STAG1: variants seen among roughly 807,000 people sequenced by gnomAD.
The protein encoded by STAG1 is STAG1 cohesin complex component.
STAG1 carries 26 observed loss-of-function variants against 170.9 expected under a neutral mutation model. That is an observed-to-expected ratio of 0.15 (90% CI 0.11 to 0.21). The LOEUF (loss-of-function observed/expected upper bound fraction) is 0.21. STAG1 is among the 10% of genes least tolerant of loss of function. STAG1 has a pLI of 1.00. For missense variants in STAG1, 964 were observed against 1,509.5 expected, an observed-to-expected ratio of 0.64 and a Z score of 5.99; for synonymous variants, 514 against 497.7, an observed-to-expected ratio of 1.03 and a Z score of -0.44.
chr3:136,518,888 T>C (rs953323440), intron 7 of STAG1, among the ~76,000 whole-genome samples: 22 of 151,776 alleles, frequency 1.4e-4, no homozygotes, highest in African/African-American at 5.3e-4. Context: ...AGGTAGACCG[T>C]GGAAAAGAGA....
At chr3:136,469,810 G>A (rs2089575047) in intron 12 of STAG1, among the ~76,000 whole-genome samples, 2 of 151,938 alleles carry the variant, frequency 1.3e-5, no homozygotes, top group Admixed American at 6.6e-5. Context: ...GAACAGAACA[G>A]AGCCCTCACA....
intron 21 of STAG1, among the ~76,000 whole-genome samples, chr3:136,412,367 G>T (rs778936984): frequency 2.0e-5 from 3 of 152,158 alleles, no homozygotes; most frequent in Non-Finnish European, 4.4e-5. Context: ...AGTAATAACT[G>T]AGTCAGGCAA....
rs528812917 is a variant in STAG1, at chr3:136,359,802, C to T, written c.2788-506G>A. Among the ~76,000 whole-genome samples, 5 of 152,190 alleles carry T rather than the reference C, an allele frequency of 3.3e-5. No individual in the cohort carries two copies. In the East Asian group the frequency reaches 7.7e-4, roughly 23 times the overall value. On this transcript the variant is annotated intron_variant, in intron 26 of 33. Coordinates refer to ENST00000383202, the MANE Select transcript of STAG1 (RefSeq NM_005862.3). ...GGGATTACAGGCGTGAGCCACCACA[C>T]GTGGCCAAAAGAATGTATTTTGAGA...
chr3:136,377,358 G>C (rs1937656407), intron 23 of STAG1, among the ~76,000 whole-genome samples: 2 of 101,424 alleles, frequency 2.0e-5, no homozygotes, highest in African/African-American at 7.9e-5. Context: ...CTGCACTCCA[G>C]CCTGGGCGAC....
At chr3:136,399,129 T>C (rs115461672) in intron 21 of STAG1, among the ~76,000 whole-genome samples, 4 of 152,324 alleles carry the variant, frequency 2.6e-5, no homozygotes, top group African/African-American at 9.6e-5. Context: ...AAAAGGAGAC[T>C]GATGAAATTA....
intron 4 of STAG1, among the ~76,000 whole-genome samples, chr3:136,580,965 T>A (rs1937579776): frequency 6.6e-6 from 1 of 152,212 alleles, no homozygotes; most frequent in Non-Finnish European, 1.5e-5. Context: ...TTCTTTTTTT[T>A]CAAGTTGTTA....
intron 21 of STAG1, among the ~76,000 whole-genome samples, chr3:136,410,711 C>A (rs992313420): frequency 6.6e-5 from 10 of 152,166 alleles, no homozygotes; most frequent in Non-Finnish European, 1.3e-4. Flanking sequence ...TGGTGGCTCC[C>A]TCCTGTAATC....
At chr3:136,401,969 C>G (rs931084262) in intron 21 of STAG1, among the ~76,000 whole-genome samples, 4 of 151,918 alleles carry the variant, frequency 2.6e-5, no homozygotes, top group Non-Finnish European at 5.9e-5. Flanking sequence ...GTCTCTAACT[C>G]CTGACCTCAG....
At chr3:136,592,245 T>C (rs1367342414) in intron 4 of STAG1, among the ~76,000 whole-genome samples, 1 of 152,128 alleles carries the variant, frequency 6.6e-6, no homozygotes, top group Non-Finnish European at 1.5e-5. Context: ...ATAATCCCCA[T>C]GTGTCATGGG....
At chr3:136,345,246 T>C (rs1316757452) in intron 29 of STAG1, among the ~76,000 whole-genome samples, 1 of 152,002 alleles carries the variant, frequency 6.6e-6, no homozygotes, top group Admixed American at 6.6e-5. Context: ...TCTGCCATCA[T>C]GTCCAGCTAA....
chr3:136,538,650 C>T (rs1298700413), intron 6 of STAG1, among the ~76,000 whole-genome samples: 1 of 152,036 alleles, frequency 6.6e-6, no homozygotes. Flanking sequence ...GAACTTCTGA[C>T]CTCGGGTGAC....
intron 30 of STAG1, among the ~76,000 whole-genome samples, chr3:136,342,606 T>C (rs529877089): frequency 6.6e-6 from 1 of 152,356 alleles, no homozygotes; most frequent in South Asian, 2.1e-4. Context: ...CTTAGCCTCC[T>C]GAATAGTTGG....
intron 1 of STAG1, among the ~76,000 whole-genome samples, chr3:136,748,151 G>T (rs1343578349): frequency 6.6e-6 from 1 of 151,548 alleles, no homozygotes; most frequent in Non-Finnish European, 1.5e-5. Flanking sequence ...CAGCACTTTG[G>T]GAGGCCAAGG....
intron 1 of STAG1, among the ~76,000 whole-genome samples, chr3:136,641,091 A>G (rs1308777204): frequency 1.3e-5 from 2 of 152,248 alleles, no homozygotes; most frequent in Non-Finnish European, 2.9e-5. Context: ...GGATCCTAAC[A>G]TAATGAATAG....
chr3:136,630,479 T>A (rs955244412), intron 2 of STAG1, among the ~76,000 whole-genome samples: 1 of 152,196 alleles, frequency 6.6e-6, no homozygotes, highest in Non-Finnish European at 1.5e-5. Context: ...TTTTAGGCTT[T>A]CCACGCAATA....
intron 1 of STAG1, among the ~76,000 whole-genome samples, chr3:136,634,158 T>TAAAC (rs1940454847): frequency 6.8e-6 from 1 of 146,792 alleles, no homozygotes; most frequent in African/African-American, 2.5e-5. Context: ...AATAAATAAA[T>TAAAC]AAACATAAAA....
At chr3:136,578,295 ACACTGGTATT>A (rs1937519807) in intron 4 of STAG1, among the ~76,000 whole-genome samples, 1 of 152,234 alleles carries the variant, frequency 6.6e-6, no homozygotes, top group African/African-American at 2.4e-5. Context: ...CAGTAGGGAC[ACACTGGTATT>A]CACAACGTCT....
chr3:136,556,704 T>A (rs1202114226), intron 5 of STAG1, among the ~76,000 whole-genome samples: 1 of 151,844 alleles, frequency 6.6e-6, no homozygotes, highest in African/African-American at 2.4e-5. Context: ...CACCTCAGCC[T>A]CCCAAGTAAC....
intron 1 of STAG1, among the ~76,000 whole-genome samples, chr3:136,641,924 G>A (rs1207734040): frequency 6.6e-6 from 1 of 151,994 alleles, no homozygotes; most frequent in Non-Finnish European, 1.5e-5. Context: ...AGGAGAGAAG[G>A]AATAGAACCC....
Sources: gnomAD v4.1 joint callset for allele counts (sites outside exome capture counted in the v4.1 genomes callset) on GRCh38, gnomAD v4.1.1 for gene constraint, MANE v1.5 for transcripts, NCBI Gene and HGNC (gene_info 2026-07-23, HGNC 2026-07-21) for gene names.